The following SHISA6 variants were observed in gnomAD, a reference collection of about 807,000 sequenced individuals.
The protein encoded by SHISA6 is protein shisa-6.
Under a neutral mutation model 47.9 loss-of-function variants are expected in SHISA6, and 22 were observed. The ratio of observed to expected loss-of-function variants is 0.46; its 90% CI spans 0.33 to 0.66. SHISA6 has a LOEUF of 0.66. Among genes scored for constraint, SHISA6 ranks in the 30% least tolerant of loss-of-function variants. The pLI is 0.02. For missense variants in SHISA6, 680 were observed against 764.6 expected (o/e 0.89, Z 1.30); for synonymous variants, 388 against 337.8 (o/e 1.15, Z -1.63).
At chr17:11,442,689 T>G (rs1178546853) in intron 3 of SHISA6, among the ~76,000 whole-genome samples, 1 of 152,206 alleles carries the variant, frequency 6.6e-6, no homozygotes, top group African/African-American at 2.4e-5. Flanking sequence ...TAGATTCCAG[T>G]GATCTAAGTT....
chr17:11,380,685 A>G (rs1181873076), intron 3 of SHISA6, among the ~76,000 whole-genome samples: 1 of 152,212 alleles, frequency 6.6e-6, no homozygotes, highest in Non-Finnish European at 1.5e-5. Flanking sequence ...ACAGTAATAA[A>G]CATCCGTTAT....
intron 2 of SHISA6, among the ~76,000 whole-genome samples, chr17:11,339,029 A>G (rs1473305228): frequency 6.6e-6 from 1 of 152,108 alleles, no homozygotes; most frequent in Non-Finnish European, 1.5e-5. Flanking sequence ...GCCCAGCAAC[A>G]GAGAGTTCAT....
At chr17:11,486,601 G>A (rs1369322893) in intron 3 of SHISA6, among the ~76,000 whole-genome samples, 1 of 152,234 alleles carries the variant, frequency 6.6e-6, no homozygotes, top group Non-Finnish European at 1.5e-5. Flanking sequence ...GCGTTGGGCT[G>A]TGCATGTTAT....
At chr17:11,418,366 A>G (rs1272727872) in intron 3 of SHISA6, among the ~76,000 whole-genome samples, 1 of 152,054 alleles carries the variant, frequency 6.6e-6, no homozygotes, top group Non-Finnish European at 1.5e-5. Context: ...TTGTCATGAG[A>G]GATTTCTTTG....
chr17:11,261,574 A>T (rs986048604), intron 1 of SHISA6, among the ~76,000 whole-genome samples: 6 of 152,204 alleles, frequency 3.9e-5, no homozygotes, highest in African/African-American at 1.4e-4. Context: ...ATGGTCTTTT[A>T]TGGTGTGCTT....
intron 3 of SHISA6, among the ~76,000 whole-genome samples, chr17:11,498,802 T>G (rs2142344692): frequency 6.6e-6 from 1 of 152,314 alleles, no homozygotes; most frequent in South Asian, 2.1e-4. Context: ...TGTGGACTTG[T>G]AGGACCTACT....
At chr17:11,293,640 C>A (rs1171858009) in intron 2 of SHISA6, among the ~76,000 whole-genome samples, 7 of 151,984 alleles carry the variant, frequency 4.6e-5, no homozygotes, top group Non-Finnish European at 1.0e-4. Context: ...TGTAGGAACG[C>A]AAGCATGGTG....
intron 3 of SHISA6, among the ~76,000 whole-genome samples, chr17:11,465,562 G>T (rs1915789698): frequency 6.6e-6 from 1 of 152,088 alleles, no homozygotes; most frequent in South Asian, 2.1e-4. Context: ...GACCTGGAAG[G>T]CTATTTCTGC....
At chr17:11,320,025 A>G (rs1328237488) in intron 2 of SHISA6, among the ~76,000 whole-genome samples, 3 of 152,184 alleles carry the variant, frequency 2.0e-5, no homozygotes, top group Non-Finnish European at 2.9e-5. Context: ...ATCAGTGGCT[A>G]TTTCCTTTTT....
At chr17:11,518,287 G>T (rs1433037436) in intron 3 of SHISA6, among the ~76,000 whole-genome samples, 2 of 152,166 alleles carry the variant, frequency 1.3e-5, no homozygotes, top group Non-Finnish European at 1.5e-5. Context: ...AAGATGCTTA[G>T]AACTATGCTG....
intron 1 of SHISA6, among the ~76,000 whole-genome samples, chr17:11,254,676 A>G (rs1325297664): frequency 6.6e-6 from 1 of 152,184 alleles, no homozygotes; most frequent in East Asian, 1.9e-4. Flanking sequence ...GTTGATTCTC[A>G]TGGGGAGCCA....
At chr17:11,259,074 G>A (rs571713743) in intron 1 of SHISA6, among the ~76,000 whole-genome samples, 75 of 152,080 alleles carry the variant, frequency 4.9e-4, no homozygotes, top group African/African-American at 1.7e-3. Context: ...ATGGATGAGG[G>A]GATGAATTGG....
chr17:11,332,608 C>G (rs75158049), intron 2 of SHISA6, among the ~76,000 whole-genome samples: 1 of 152,146 alleles, frequency 6.6e-6, no homozygotes, highest in African/African-American at 2.4e-5. Flanking sequence ...GTCTCCCTTT[C>G]GCAGGCTCAG....
chr17:11,479,988 T>G (rs1916171682), intron 3 of SHISA6, among the ~76,000 whole-genome samples: 1 of 152,184 alleles, frequency 6.6e-6, no homozygotes. Context: ...TGGCAACGAA[T>G]TCCCTCAATT....
intron 3 of SHISA6, among the ~76,000 whole-genome samples, chr17:11,529,546 G>A (rs2071715378): frequency 6.6e-6 from 1 of 152,192 alleles, no homozygotes; most frequent in East Asian, 1.9e-4. Flanking sequence ...AACAATATGT[G>A]TCCCAATTGG....
intron 3 of SHISA6, among the ~76,000 whole-genome samples, chr17:11,460,172 A>G (rs1050282648): frequency 1.3e-5 from 2 of 152,338 alleles, no homozygotes; most frequent in African/African-American, 4.8e-5. Context: ...GTCCAGCTCA[A>G]TGAGGCCGGA....
chr17:11,450,503 C>A (rs1915367206), intron 3 of SHISA6, among the ~76,000 whole-genome samples: 1 of 151,738 alleles, frequency 6.6e-6, no homozygotes, highest in African/African-American at 2.4e-5. Flanking sequence ...CTAAATATAC[C>A]AAAAAATTAG....
At chr17:11,535,939 C>T (rs934743770) in intron 3 of SHISA6, among the ~76,000 whole-genome samples, 5 of 151,552 alleles carry the variant, frequency 3.3e-5, no homozygotes, top group Admixed American at 3.3e-4. Context: ...TACATATGTA[C>T]ACATATATAT....
rs1047360027 is a variant in SHISA6, at chr17:11,558,460, G to C, written c.*156G>C. The C allele has an allele frequency of 5.0e-6, 4 of 792,652 alleles. No homozygotes were observed. Among genetic ancestry groups the C allele is most frequent in the Non-Finnish European group, 7.8e-6 (4 of 510,192 alleles). The allele number at this position is 792,652 out of a possible 1,614,324, so 49.1% of individuals were successfully genotyped here. On this transcript the variant is annotated 3_prime_UTR_variant, in exon 6 of 6. Coordinates refer to ENST00000441885, the MANE Select transcript of SHISA6 (RefSeq NM_207386.4). ...CCTTTGCCCAAAAAGCCATACCCCC[G>C]GGGACACAGCCCCGATGGCCTGGTC...
Sources: allele counts gnomAD v4.1 joint callset (sites outside exome capture counted in the v4.1 genomes callset), GRCh38; gene constraint gnomAD v4.1.1; transcripts MANE v1.5; gene names NCBI Gene and HGNC (gene_info 2026-07-23, HGNC 2026-07-21).